The following CPNE4 variants were observed in gnomAD, a reference collection of about 807,000 sequenced individuals.
CPNE4 encodes the protein copine 4.
A neutral mutation model predicts 67.9 loss-of-function variants in CPNE4; 25 were observed. The observed-to-expected ratio is 0.37, with a 90% CI of 0.27 to 0.51. The LOEUF (loss-of-function observed/expected upper bound fraction) is 0.51, where lower values mean the gene tolerates loss of function less well. Among genes scored for constraint, CPNE4 ranks in the 20% least tolerant of loss-of-function variants. CPNE4 has a pLI of 0.93. For missense variants in CPNE4, 464 were observed against 690.8 expected (o/e 0.67, Z 3.68); for synonymous variants, 242 against 244.9 (o/e 0.99, Z 0.11).
chr3:131,980,924 G>A (rs371359880), intron 1 of CPNE4, among the ~76,000 whole-genome samples: 6 of 152,098 alleles, frequency 3.9e-5, no homozygotes, highest in East Asian at 1.9e-4. Flanking sequence ...CTATGGATGC[G>A]GCTTCCTGTG....
intron 2 of CPNE4, among the ~76,000 whole-genome samples, chr3:131,880,366 G>A (rs928526889): frequency 2.0e-5 from 3 of 151,982 alleles, no homozygotes; most frequent in African/African-American, 4.8e-5. Flanking sequence ...ACGCCCGCCC[G>A]ACCTCCCAAA....
intron 9 of CPNE4, among the ~76,000 whole-genome samples, chr3:131,581,005 C>G (rs1347358913): frequency 1.3e-5 from 2 of 152,204 alleles, no homozygotes; most frequent in East Asian, 3.9e-4. Flanking sequence ...AACCCCATCT[C>G]TACTAAAAAT....
intron 11 of CPNE4, among the ~76,000 whole-genome samples, chr3:131,560,867 C>T (rs1323451212): frequency 3.9e-5 from 6 of 151,974 alleles, no homozygotes; most frequent in African/African-American, 7.2e-5. Context: ...GTGCAGGTAT[C>T]GTCACATTTT....
rs115313591 is a variant in CPNE4 at position 131,616,081 on chromosome 3, G to T, written c.682-28499C>A. ...ATGAAAGACGAGAAATGGGTACCTT[G>T]TTTAAGGACAACCAAGCTGTACATT... On this transcript the variant is annotated intron_variant, in intron 7 of 15. Transcript: ENST00000429747. Among the ~76,000 whole-genome samples the T allele has an allele frequency of 6.8e-3, 1,031 of 152,192 alleles. 4 individuals carry two copies. The highest frequency in any genetic ancestry group is 0.011 in the Non-Finnish European group (745 of 68,018).
chr3:131,552,415 G>A (rs995717778), intron 13 of CPNE4, 25 bp downstream of exon 13: 2 of 1,605,694 alleles, frequency 1.2e-6, no homozygotes, highest in African/African-American at 2.7e-5. Context: ...CTGTGACACT[G>A]GCTTTCTTTC....
chr3:131,783,338 C>G (rs1474411498), intron 2 of CPNE4, among the ~76,000 whole-genome samples: 1 of 152,112 alleles, frequency 6.6e-6, no homozygotes, highest in African/African-American at 2.4e-5. Context: ...CATGTCTGAG[C>G]TCCCCTTCTG....
chr3:131,744,895 T>C (rs2082450735), intron 2 of CPNE4, among the ~76,000 whole-genome samples: 2 of 152,204 alleles, frequency 1.3e-5, no homozygotes, highest in Admixed American at 1.3e-4. Flanking sequence ...TTATAAACAT[T>C]TGTCTACAGA....
intron 6 of CPNE4, among the ~76,000 whole-genome samples, chr3:131,678,364 G>T (rs894373482): frequency 1.3e-5 from 2 of 152,044 alleles, no homozygotes; most frequent in Non-Finnish European, 2.9e-5. Flanking sequence ...CTAGATATAG[G>T]ATCATGTCAT....
intron 2 of CPNE4, among the ~76,000 whole-genome samples, chr3:131,820,358 G>A (rs1036548570): frequency 5.3e-5 from 8 of 152,290 alleles, no homozygotes; most frequent in Admixed American, 5.2e-4. Context: ...CTGACAGTGG[G>A]CTGAAATGGC....
Position 131,581,562 on chromosome 3 carries a change from G to A in CPNE4, c.867+17C>T. 1.3e-6 allele frequency: 2 copies of A among 1,555,636 alleles called. No individual in the cohort carries two copies. The highest frequency in any genetic ancestry group is 2.2e-5 in the South Asian group (2 of 89,824). ...GCCCTAGCTTCATACTCCTGGAAGA[G>A]AGGGTTGTGTACATACCTTGCACAG... On this transcript the variant is annotated intron_variant, in intron 9 of 15. Coordinates refer to ENST00000429747, the MANE Select transcript of CPNE4 (RefSeq NM_130808.3).
At chr3:131,665,178 T>C (rs554376461) in intron 7 of CPNE4, among the ~76,000 whole-genome samples, 273 of 151,146 alleles carry the variant, frequency 1.8e-3, no homozygotes, top group African/African-American at 6.3e-3. Context: ...CTGGGCAACA[T>C]AGCAAGACTC....
rs142086319 is a variant in CPNE4, at chr3:131,981,202, T to A, written c.-2+53365A>T. ...AGGAGGTGGCGCTTTCCAGAGAGCA[T>A]CAGCTGTGGTAGAATGGGGAGGAAC... On this transcript the variant is annotated intron_variant, in intron 1 of 15. Coordinates refer to ENST00000429747, the MANE Select transcript of CPNE4 (RefSeq NM_130808.3). Among the ~76,000 whole-genome samples the A allele has an allele frequency of 2.0e-5, 3 of 152,004 alleles. No homozygotes were observed. In the East Asian group the frequency reaches 5.8e-4, roughly 29 times the overall value.
chr3:131,550,112 C>T, intron 13 of CPNE4, 32 bp from the exon 14 acceptor site: 1 of 1,610,174 alleles, frequency 6.2e-7, no homozygotes, highest in Non-Finnish European at 8.5e-7. Flanking sequence ...TCAACAGCTC[C>T]AGAGTCACTC....
intron 2 of CPNE4, among the ~76,000 whole-genome samples, chr3:131,802,232 A>G (rs1388563984): frequency 6.6e-6 from 1 of 151,862 alleles, no homozygotes; most frequent in African/African-American, 2.4e-5. Flanking sequence ...AACCACATCT[A>G]CTCCTTGTCC....
intron 7 of CPNE4, among the ~76,000 whole-genome samples, chr3:131,643,443 G>T (rs886416708): frequency 4.6e-5 from 7 of 152,156 alleles, no homozygotes; most frequent in Non-Finnish European, 1.0e-4. Flanking sequence ...TACCCTCATT[G>T]CATCTAGGAA....
intron 2 of CPNE4, among the ~76,000 whole-genome samples, chr3:131,876,113 C>T (rs1286349496): frequency 6.6e-6 from 1 of 152,038 alleles, no homozygotes; most frequent in Non-Finnish European, 1.5e-5. Context: ...GTGGCACACG[C>T]CTGTAGTCCC....
At chr3:131,636,798 C>G (rs757112414) in intron 7 of CPNE4, among the ~76,000 whole-genome samples, 7 of 152,222 alleles carry the variant, frequency 4.6e-5, no homozygotes, top group Non-Finnish European at 8.8e-5. Context: ...CTCTCCCCTG[C>G]TACCTCCACC....
chr3:131,757,328 A>T (rs2082775612), intron 2 of CPNE4, among the ~76,000 whole-genome samples: 1 of 152,196 alleles, frequency 6.6e-6, no homozygotes, highest in African/African-American at 2.4e-5. Flanking sequence ...TCAGATGGAG[A>T]TGAGGAACTT....
chr3:131,703,150 G>A (rs569935461), intron 3 of CPNE4, among the ~76,000 whole-genome samples: 4 of 152,312 alleles, frequency 2.6e-5, no homozygotes, highest in Non-Finnish European at 5.9e-5. Context: ...CTTTGCTGCA[G>A]CTGTAGCAAC....
Sources: allele counts gnomAD v4.1 joint callset (sites outside exome capture counted in the v4.1 genomes callset), GRCh38; gene constraint gnomAD v4.1.1; transcripts MANE v1.5; gene names NCBI Gene and HGNC (gene_info 2026-07-23, HGNC 2026-07-21).